Variants in TULP4 observed in about 807,000 individuals in gnomAD.
TULP4 encodes TUB like protein 4, also known as tubby-related protein 4.
TULP4 carries 16 observed loss-of-function variants against 129.0 expected under a neutral mutation model. That is an observed-to-expected ratio of 0.12 (90% CI 0.08 to 0.19). TULP4 has a LOEUF of 0.19. Among genes scored for constraint, TULP4 ranks in the 10% least tolerant of loss-of-function variants. The pLI is 1.00. For synonymous variants in TULP4, 998 were observed against 854.0 expected (o/e 1.17, Z -2.94); for missense variants, 1,842 against 2,059.1 (o/e 0.89, Z 2.04).
chr6:158,424,876 G>A (rs1186270226), intron 2 of TULP4, among the ~76,000 whole-genome samples: 1 of 151,874 alleles, frequency 6.6e-6, no homozygotes, highest in African/African-American at 2.4e-5. Context: ...AATGTCGGCT[G>A]GGCACGGTGG....
Position 158,413,271 on chromosome 6 carries a change from G to C in TULP4, c.381+78G>C. On this transcript the variant is annotated intron_variant, in intron 2 of 13. Coordinates refer to ENST00000367097, the MANE Select transcript of TULP4 (RefSeq NM_020245.5). The surrounding 1 kb of genome is among the most constrained non-coding windows in gnomAD (Gnocchi z 4.9). ...CAGACAGGCATTCCGGAGCCAGTGCGTTAGCACCACACAGCGCCACGTGCT... is the reference window on the plus strand; with the variant it reads ...CAGACAGGCATTCCGGAGCCAGTGCCTTAGCACCACACAGCGCCACGTGCT... The C allele has an allele frequency of 6.7e-7, 1 of 1,501,388 alleles. No individual in the cohort carries two copies. The highest frequency in any genetic ancestry group is 9.0e-7 in the Non-Finnish European group (1 of 1,113,652). 93.0% of individuals were successfully genotyped at this position (1,501,388 alleles called of 1,614,324 possible). A position where few individuals can be genotyped will look rare whatever the true frequency, so the allele number is the denominator to read the frequency against.
At chr6:158,402,932 A>G (rs1777888809) in intron 1 of TULP4, among the ~76,000 whole-genome samples, 2 of 151,004 alleles carry the variant, frequency 1.3e-5, no homozygotes, top group East Asian at 3.9e-4. Flanking sequence ...GGAGAATAAC[A>G]ACCGATAACA....
chr6:158,433,450 C>T (rs1247707731), intron 3 of TULP4, among the ~76,000 whole-genome samples: 1 of 152,240 alleles, frequency 6.6e-6, no homozygotes, highest in Admixed American at 6.5e-5. Flanking sequence ...CGCAGTGGCT[C>T]ACGCCTGTAA....
rs138965632 is a variant in TULP4, at chr6:158,466,345, T to C, written c.1026+4616T>C. Among the ~76,000 whole-genome samples the C allele has an allele frequency of 3.0e-4, 45 of 152,344 alleles. 1 individual carries two copies. In the East Asian group the frequency reaches 8.7e-3, roughly 29 times the overall value. On this transcript the variant is annotated intron_variant, in intron 6 of 13. Coordinates refer to ENST00000367097, the MANE Select transcript of TULP4 (RefSeq NM_020245.5). ...CTAACATTACACAAGGATTCTAGTT[T>C]TTCCACATCCTTGCCAACATTGTCA...
intron 1 of TULP4, among the ~76,000 whole-genome samples, chr6:158,291,769 A>G (rs1176535493): frequency 6.6e-6 from 1 of 152,072 alleles, no homozygotes; most frequent in African/African-American, 2.4e-5. Context: ...TTCTTGAGCT[A>G]TTAGATTGAG....
At chr6:158,235,165 G>A (rs1242784123) in intron 1 of TULP4, among the ~76,000 whole-genome samples, 1 of 149,284 alleles carries the variant, frequency 6.7e-6, no homozygotes, top group Non-Finnish European at 1.5e-5. Context: ...GTGACACAGC[G>A]AAACTCTGTC....
At chr6:158,319,421 C>CTTAGTTA in intron 1 of TULP4, among the ~76,000 whole-genome samples, 1 of 149,604 alleles carries the variant, frequency 6.7e-6, no homozygotes, top group South Asian at 2.1e-4. Context: ...TCTGCCCTTA[C>CTTAGTTA]CTTATCTTCA....
rs1447649300 is a variant in TULP4 at position 158,494,395 on chromosome 6, TA to T, written c.1777-357del. ...ATTGAATGAGAAAACAAATGATGGG[TA>T]GTTTCAGGACATACTGGTACCAATG... On this transcript the variant is annotated intron_variant, in intron 10 of 13. Transcript: ENST00000367097. Among the ~76,000 whole-genome samples the T allele has an allele frequency of 2.0e-5, 3 of 152,186 alleles. No homozygotes were observed. The East Asian group carries it at 5.8e-4, about 29-fold the overall frequency.
chr6:158,460,293 C>G (rs745492974), intron 5 of TULP4, among the ~76,000 whole-genome samples: 1 of 152,114 alleles, frequency 6.6e-6, no homozygotes, highest in Non-Finnish European at 1.5e-5. Context: ...TGATAGAGCC[C>G]GGGGACCACT....
intron 8 of TULP4, among the ~76,000 whole-genome samples, chr6:158,482,978 A>C (rs1310499462): frequency 2.6e-5 from 4 of 152,176 alleles, no homozygotes; most frequent in Non-Finnish European, 5.9e-5. Flanking sequence ...CAATCCTTTC[A>C]GGGAATAAGA....
chr6:158,285,683 T>C (rs773315110), intron 1 of TULP4, among the ~76,000 whole-genome samples: 2 of 152,230 alleles, frequency 1.3e-5, no homozygotes, highest in Non-Finnish European at 2.9e-5. Flanking sequence ...TCCATTTGTA[T>C]GGGCACGGGT....
chr6:158,288,650 G>A lies in TULP4; in HGVS notation n.116+6272G>A, dbSNP rs180840334. 4.1e-4 allele frequency among the ~76,000 whole-genome samples: 63 copies of A among 152,108 alleles called. 1 individual carries two copies. The East Asian group carries it at 0.011, about 27-fold the overall frequency. ...GGAGTAGCTGGGACTACAGGCACCC[G>A]CCACCACGCCCAGCTAATTTTTTGT... On this transcript the variant is annotated intron_variant and non_coding_transcript_variant, in intron 1 of 1. Transcript: ENST00000432358.
chr6:158,405,386 G>A (rs1295453189), intron 1 of TULP4, among the ~76,000 whole-genome samples: 6 of 152,092 alleles, frequency 3.9e-5, no homozygotes, highest in African/African-American at 1.2e-4. Context: ...GGGGGCCATC[G>A]CTAGTGTGTA....
chr6:158,453,264 G>C (rs748412910), intron 5 of TULP4, among the ~76,000 whole-genome samples: 5 of 151,252 alleles, frequency 3.3e-5, no homozygotes, highest in Non-Finnish European at 7.4e-5. Context: ...TCAGCAGTTC[G>C]AGACCAGCCT....
At chr6:158,393,103 A>G (rs1218500118) in intron 1 of TULP4, among the ~76,000 whole-genome samples, 1 of 152,300 alleles carries the variant, frequency 6.6e-6, no homozygotes, top group African/African-American at 2.4e-5. Flanking sequence ...AAGGGGCTAC[A>G]GGCCCCATGC....
In TULP4 at chr6:158,502,194, C is replaced by A. The variant is rs763748362; in HGVS notation, c.2531C>A (p.Ala844Asp). Residue 844 changes from alanine (A) to aspartate (D), a missense_variant, in exon 13 of 14, where the codon GCC (alanine) becomes GAC (aspartate). Physicochemically the swap from Ala to Asp is moderately radical, Grantham distance 126. Around this residue, in one of 5 missense-constraint regions of TULP4, gnomAD observed 1,089 missense variants for 987.1 expected, o/e 1.10. Transcript: ENST00000367097. Reference protein sequence around the residue: ...PPPYPGTIPAAPTTAAPPPPL... With the variant: ...PPPYPGTIPADPTTAAPPPPL... ...CCGTACCCAGGAACCATCCCCGCTG[C>A]CCCCACCACAGCAGCACCCCCGCCC... 47 of 1,311,288 alleles carry A rather than the reference C, an allele frequency of 3.6e-5. No individual in the cohort carries two copies. Among genetic ancestry groups the A allele is most frequent in the Non-Finnish European group, 4.6e-5 (44 of 964,378 alleles). The allele number at this position is 1,311,288 out of a possible 1,614,324, so 81.2% of individuals were successfully genotyped here.
chr6:158,314,391 G>A (rs1779438892), intron 1 of TULP4, 123 bp downstream of exon 1: 22 of 1,194,650 alleles, frequency 1.8e-5, no homozygotes, highest in Non-Finnish European at 2.6e-5. Context: ...TTCCCATGCT[G>A]TGAGTTCTGT....
At chr6:158,473,630 T>A (rs964938460) in intron 6 of TULP4, among the ~76,000 whole-genome samples, 10 of 152,196 alleles carry the variant, frequency 6.6e-5, no homozygotes, top group African/African-American at 2.4e-4. Flanking sequence ...GTGATTCTCC[T>A]GCCTCAGCCT....
At chr6:158,373,480 ATCG>A (rs2114886175) in intron 1 of TULP4, among the ~76,000 whole-genome samples, 1 of 152,354 alleles carries the variant, frequency 6.6e-6, no homozygotes, top group South Asian at 2.1e-4. Flanking sequence ...CGAATCAGTC[ATCG>A]TCGTCATCGT....
Sources: gnomAD v4.1 joint callset for allele counts (sites outside exome capture counted in the v4.1 genomes callset) on GRCh38, gnomAD v4.1.1 for gene constraint, gnomAD v4.1.1 regional missense constraint, Gnocchi (gnomAD v3.1) non-coding constraint, MANE v1.5 for transcripts, NCBI Gene and HGNC (gene_info 2026-07-23, HGNC 2026-07-21) for gene names.